The following TENM4 variants were observed in gnomAD, a reference collection of about 807,000 sequenced individuals.
The protein encoded by TENM4 is teneurin-4.
In TENM4, 82 loss-of-function variants were observed where a neutral mutation model predicts 243.3. The ratio of observed to expected loss-of-function variants is 0.34; its 90% CI spans 0.28 to 0.40. TENM4 has a LOEUF of 0.40. Among genes scored for constraint, TENM4 ranks in the 10% least tolerant of loss-of-function variants. The pLI, the probability that TENM4 is intolerant of heterozygous loss-of-function variation, is 1.00. For missense variants in TENM4, 3,138 were observed against 3,673.3 expected (o/e 0.85, Z 3.77); for synonymous variants, 1,412 against 1,456.3 (o/e 0.97, Z 0.69).
intron 1 of TENM4, among the ~76,000 whole-genome samples, chr11:79,307,280 G>A (rs1435173305): frequency 6.6e-6 from 1 of 152,152 alleles, no homozygotes; most frequent in East Asian, 1.9e-4. Context: ...CTCAAACTCA[G>A]AGCGCCAACA....
At chr11:79,022,879 T>A (rs1858972306) in intron 6 of TENM4, among the ~76,000 whole-genome samples, 1 of 152,196 alleles carries the variant, frequency 6.6e-6, no homozygotes. Flanking sequence ...CCACTCACTA[T>A]GTTGGCTACT....
chr11:79,039,966 C>T (rs1859476251), intron 6 of TENM4, among the ~76,000 whole-genome samples: 1 of 151,524 alleles, frequency 6.6e-6, no homozygotes, highest in South Asian at 2.1e-4. Flanking sequence ...AATGAAAATT[C>T]ACCTATTCAC....
At chr11:78,951,528 T>C (rs1218831042) in intron 6 of TENM4, among the ~76,000 whole-genome samples, 2 of 152,186 alleles carry the variant, frequency 1.3e-5, no homozygotes, top group Non-Finnish European at 2.9e-5. Flanking sequence ...GCTTAAATAA[T>C]AGAAATTTAT....
At position 79,337,977 on chromosome 11, in the gene TENM4, G is replaced by C. The variant is rs541050064; in HGVS notation, c.-320-40434C>G. 5.9e-5 allele frequency among the ~76,000 whole-genome samples: 9 copies of C among 152,314 alleles called. No individual in the cohort carries two copies. The East Asian group carries it at 1.7e-3, about 29-fold the overall frequency. ...CTCACTGCTTTTGAGACTGTGAGAA[G>C]TTGTATGACTATCCACCAAGTCTCA... On this transcript the variant is annotated intron_variant, in intron 1 of 33. Coordinates refer to ENST00000278550, the MANE Select transcript of TENM4 (RefSeq NM_001098816.3).
chr11:79,185,070 G>T (rs576986213), intron 3 of TENM4, among the ~76,000 whole-genome samples: 1 of 152,266 alleles, frequency 6.6e-6, no homozygotes, highest in African/African-American at 2.4e-5. Flanking sequence ...AGGCTGATGG[G>T]GAGGATCGCT....
intron 6 of TENM4, among the ~76,000 whole-genome samples, chr11:79,014,117 T>C (rs532687805): frequency 2.0e-5 from 3 of 150,594 alleles, no homozygotes; most frequent in South Asian, 4.1e-4. Context: ...AGTCCACAAA[T>C]ATTCATTAAA....
chr11:78,865,421 C>G (rs1370813577), intron 9 of TENM4, among the ~76,000 whole-genome samples: 1 of 152,192 alleles, frequency 6.6e-6, no homozygotes, highest in Non-Finnish European at 1.5e-5. Flanking sequence ...GCACCTCTTG[C>G]TTGGTGTATC....
At chr11:79,376,852 C>CAGAA (rs1857902384) in intron 1 of TENM4, among the ~76,000 whole-genome samples, 1 of 152,214 alleles carries the variant, frequency 6.6e-6, no homozygotes, top group South Asian at 2.1e-4. Flanking sequence ...TGCTTATTCT[C>CAGAA]TATGCAGCCC....
chr11:79,399,900 GT>G (rs1858421293), intron 1 of TENM4, among the ~76,000 whole-genome samples: 1 of 152,060 alleles, frequency 6.6e-6, no homozygotes, highest in African/African-American at 2.4e-5. Flanking sequence ...GCCCAGCAGA[GT>G]TGGCTGGCAC....
intron 6 of TENM4, among the ~76,000 whole-genome samples, chr11:79,008,972 C>T (rs976555279): frequency 1.3e-5 from 2 of 152,070 alleles, no homozygotes; most frequent in Admixed American, 6.5e-5. Context: ...TAAAAAATGC[C>T]ATCTCTTAGT....
chr11:79,330,701 C>T (rs1218567105), intron 1 of TENM4, among the ~76,000 whole-genome samples: 10 of 152,254 alleles, frequency 6.6e-5, no homozygotes. Context: ...CGCAAATTAA[C>T]CCTGTGAAAT....
chr11:78,829,222 G>A (rs2136141786), intron 12 of TENM4, among the ~76,000 whole-genome samples: 1 of 152,312 alleles, frequency 6.6e-6, no homozygotes, highest in Non-Finnish European at 1.5e-5. Flanking sequence ...GTCTCTGACT[G>A]CCCCTCAGTT....
chr11:79,402,704 C>T (rs1858487366), intron 1 of TENM4, among the ~76,000 whole-genome samples: 1 of 152,202 alleles, frequency 6.6e-6, no homozygotes, highest in African/African-American at 2.4e-5. Flanking sequence ...ACCTACTTCC[C>T]TCTTCCCCAA....
chr11:78,831,093 G>A (rs960186767), intron 12 of TENM4, among the ~76,000 whole-genome samples: 2 of 152,232 alleles, frequency 1.3e-5, no homozygotes, highest in African/African-American at 4.8e-5. Flanking sequence ...GCCTAGAGAA[G>A]TGAAATGACT....
At chr11:79,067,230 C>T (rs892357078) in intron 5 of TENM4, among the ~76,000 whole-genome samples, 7 of 152,222 alleles carry the variant, frequency 4.6e-5, no homozygotes, top group African/African-American at 9.6e-5. Flanking sequence ...CATACCACTC[C>T]TCCGTGCCCT....
At chr11:79,293,965 C>T (rs957926012) in intron 2 of TENM4, among the ~76,000 whole-genome samples, 1 of 152,232 alleles carries the variant, frequency 6.6e-6, no homozygotes, top group Non-Finnish European at 1.5e-5. Context: ...CCCAGTTTTG[C>T]ATACCTTGAC....
intron 2 of TENM4, among the ~76,000 whole-genome samples, chr11:79,218,234 A>ACTG (rs1555029525): frequency 1.0e-5 from 1 of 96,462 alleles, no homozygotes; most frequent in Non-Finnish European, 1.9e-5. Flanking sequence ...CCCCCTGCCC[A>ACTG]CCCACCCCCG....
chr11:79,172,545 T>G (rs576351522), intron 3 of TENM4, among the ~76,000 whole-genome samples: 1 of 152,308 alleles, frequency 6.6e-6, no homozygotes, highest in East Asian at 1.9e-4. Context: ...TAACCCTATC[T>G]GCAAGTTATA....
At chr11:79,379,043 G>A (rs1052177960) in intron 1 of TENM4, among the ~76,000 whole-genome samples, 2 of 152,170 alleles carry the variant, frequency 1.3e-5, no homozygotes, top group Admixed American at 1.3e-4. Context: ...TGCTTGTAGG[G>A]GTAAGAAAAT....
Sources: allele counts gnomAD v4.1 joint callset (sites outside exome capture counted in the v4.1 genomes callset), GRCh38; gene constraint gnomAD v4.1.1; transcripts MANE v1.5; gene names NCBI Gene and HGNC (gene_info 2026-07-23, HGNC 2026-07-21).